Variants in MAN2B2 observed in about 807,000 individuals in gnomAD.
MAN2B2 encodes the protein mannosidase alpha class 2B member 2, also known as epididymis-specific alpha-mannosidase.
A neutral mutation model predicts 117.1 loss-of-function variants in MAN2B2; 106 were observed. That is an observed-to-expected ratio of 0.90 (90% CI 0.77 to 1.06). The LOEUF (loss-of-function observed/expected upper bound fraction) is 1.06. Ranked by LOEUF, MAN2B2 falls within the 50% of genes least tolerant of loss-of-function variation. MAN2B2 has a pLI of 0.00. For missense variants in MAN2B2, 1,326 were observed against 1,381.4 expected (o/e 0.96, Z 0.64); for synonymous variants, 544 against 595.1 (o/e 0.91, Z 1.25).
At chr4:6,580,484 C>T (rs977559641) in intron 3 of MAN2B2, among the ~76,000 whole-genome samples, 2 of 152,196 alleles carry the variant, frequency 1.3e-5, no homozygotes, top group Non-Finnish European at 2.9e-5. Context: ...ACACTGTAGG[C>T]GTGTCCCCCA....
chr4:6,589,244 G>C (rs1047012328), intron 5 of MAN2B2, 84 bp downstream of exon 5: 19 of 1,092,720 alleles, frequency 1.7e-5, no homozygotes, highest in Non-Finnish European at 2.5e-5. Context: ...TTTTGTTTTT[G>C]TTTATTGGTT....
intron 7 of MAN2B2, among the ~76,000 whole-genome samples, chr4:6,595,027 G>A (rs1327204327): frequency 6.6e-5 from 10 of 152,174 alleles, no homozygotes; most frequent in South Asian, 2.1e-4. Context: ...TGCTGGGAGC[G>A]GCCTCCATCA....
In MAN2B2 at chr4:6,609,115, AC is replaced by A. The variant is rs1167438380; in HGVS notation, c.1825del (p.Arg609GlufsTer5). On this transcript the variant is annotated frameshift_variant, in exon 12 of 19. Transcript: ENST00000285599. LOFTEE classifies it high-confidence loss of function. ...CTCTCCTGCCTCTGCAGACAGAGTA[AC>A]CGAACGGTGCGCGTGACCCAGGAAT... The part of the protein sequence containing the change: ...LMHSIWERQS[N>X]RTVRVTQEFL... 6.2e-7 allele frequency: 1 copy of A among 1,613,686 alleles called. No individual in the cohort carries two copies. The highest frequency in any genetic ancestry group is 1.1e-5 in the South Asian group (1 of 91,008).
At chr4:6,604,700 C>T (rs766572890) in intron 10 of MAN2B2, among the ~76,000 whole-genome samples, 14 of 152,070 alleles carry the variant, frequency 9.2e-5, no homozygotes, top group East Asian at 3.9e-4. Flanking sequence ...TCGTGGATCT[C>T]GGGTTCCAGA....
At position 6,598,369 on chromosome 4, in the gene MAN2B2, G is replaced by C; in HGVS notation, c.1405+15G>C. 1 of 1,605,628 alleles carries C rather than the reference G, an allele frequency of 6.2e-7. No homozygotes were observed. Among genetic ancestry groups the C allele is most frequent in the Non-Finnish European group, 8.5e-7 (1 of 1,174,678 alleles). ...GGCCAGCTCCGGTGAGCAGGGCCCT[G>C]CAGGGAGGCTGTGGCCCCTTTATGA... On this transcript the variant is annotated intron_variant, in intron 9 of 18. Transcript: ENST00000285599.
At chr4:6,608,529 G>A (rs1023455304) in intron 11 of MAN2B2, among the ~76,000 whole-genome samples, 13 of 152,244 alleles carry the variant, frequency 8.5e-5, no homozygotes, top group Non-Finnish European at 1.6e-4. Flanking sequence ...TAATAGAAGG[G>A]AGGGAGCACA....
chr4:6,616,594 G>A (rs1468642856), intron 16 of MAN2B2, among the ~76,000 whole-genome samples: 1 of 152,158 alleles, frequency 6.6e-6, no homozygotes, highest in Non-Finnish European at 1.5e-5. Flanking sequence ...AGCTTCTGCC[G>A]GGAAGTACTG....
chr4:6,586,702 GA>G (rs1263940669), intron 3 of MAN2B2, among the ~76,000 whole-genome samples: 1 of 152,224 alleles, frequency 6.6e-6, no homozygotes, highest in Non-Finnish European at 1.5e-5. Flanking sequence ...TTGGGAAGAG[GA>G]GAACATTCTG....
chr4:6,605,760 C>T (rs1173371183), intron 11 of MAN2B2, among the ~76,000 whole-genome samples: 1 of 151,934 alleles, frequency 6.6e-6, no homozygotes, highest in Non-Finnish European at 1.5e-5. Flanking sequence ...AGTTATCCAT[C>T]CATCCACCCA....
intron 3 of MAN2B2, among the ~76,000 whole-genome samples, chr4:6,584,894 A>T (rs892877091): frequency 6.6e-6 from 1 of 152,152 alleles, no homozygotes; most frequent in African/African-American, 2.4e-5. Flanking sequence ...TCTGCGAGTG[A>T]AAAAGGGGTG....
Position 6,583,381 on chromosome 4 carries a change from GGAGTCCATTTGC to G in MAN2B2, c.392-3614_392-3603del, listed in dbSNP as rs1420688187. ...GGCTGGGGAATGTAGTCTCTGGCTG[GGAGTCCATTTGC>G]CCTGCTAAAACCAAGAAGGAGTGTG... On this transcript the variant is annotated intron_variant, in intron 3 of 18. Transcript: ENST00000285599. 1.1e-4 allele frequency among the ~76,000 whole-genome samples: 8 copies of G among 71,736 alleles called. No individual in the cohort carries two copies. In the South Asian group the frequency reaches 5.0e-3, roughly 45 times the overall value. The allele number at this position is 71,736 out of a possible 152,430, so 47.1% of individuals were successfully genotyped here. A position where few individuals can be genotyped will look rare whatever the true frequency, so the allele number is the denominator to read the frequency against.
At position 6,593,328 on chromosome 4, in the gene MAN2B2, C is replaced by T. The variant is rs763104481; in HGVS notation, c.836C>T (p.Thr279Ile). The change falls in exon 6 of 19, where the codon ACA (threonine) becomes ATA (isoleucine). Residue 279 changes from threonine (T) to isoleucine (I), a missense_variant. Physicochemically the swap from Thr to Ile is moderately conservative, Grantham distance 89. Transcript: ENST00000285599. ...NVKQRAAWFR[T>I]PHVLWPWGCD... Reference sequence around the variant, plus strand: ...AAGCAGAGGGCCGCCTGGTTCCGGACACCGCACGTCCTCTGGCCCTGGGTA... The same window carrying T: ...AAGCAGAGGGCCGCCTGGTTCCGGATACCGCACGTCCTCTGGCCCTGGGTA... 6 of 1,613,300 alleles carry T rather than the reference C, an allele frequency of 3.7e-6. No individual in the cohort carries two copies. The highest frequency in any genetic ancestry group is 5.1e-6 in the Non-Finnish European group (6 of 1,179,730).
At chr4:6,609,704 C>A in intron 12 of MAN2B2, 94 bp from the exon 13 acceptor site, 3 of 1,258,488 alleles carry the variant, frequency 2.4e-6, no homozygotes, top group Non-Finnish European at 3.4e-6. Context: ...GTACCCTGCC[C>A]TGCCCACCCT....
chr4:6,603,609 A>G (rs1727419118), intron 10 of MAN2B2, among the ~76,000 whole-genome samples: 1 of 152,246 alleles, frequency 6.6e-6, no homozygotes, highest in African/African-American at 2.4e-5. Flanking sequence ...TGGAGCTCCT[A>G]CTGTCTGTCA....
intron 7 of MAN2B2, among the ~76,000 whole-genome samples, chr4:6,596,166 A>G (rs12648406): frequency 0.41 from 60,735 of 148,134 alleles, 13,018 homozygotes; most frequent in East Asian, 0.64. Flanking sequence ...CGTGGTATCC[A>G]GGCGGGTGTG....
chr4:6,584,268 G>A (rs1048426948), intron 3 of MAN2B2, among the ~76,000 whole-genome samples: 1 of 152,140 alleles, frequency 6.6e-6, no homozygotes, highest in Non-Finnish European at 1.5e-5. Flanking sequence ...GGATAGTTTG[G>A]GACTGGTTCT....
At chr4:6,587,736 TC>T (rs1726690389) in intron 4 of MAN2B2, among the ~76,000 whole-genome samples, 1 of 144,838 alleles carries the variant, frequency 6.9e-6, no homozygotes, top group South Asian at 2.2e-4. Context: ...TTTTTTGGGG[TC>T]TTTTGGGTTG....
chr4:6,575,367 C>A lies in MAN2B2; in HGVS notation c.138+19C>A. 6.7e-7 allele frequency: 1 copy of A among 1,486,744 alleles called. No homozygotes were observed. The highest frequency in any genetic ancestry group is 9.0e-7 in the Non-Finnish European group (1 of 1,113,774). 92.1% of individuals were successfully genotyped at this position (1,486,744 alleles called of 1,614,324 possible). A position where few individuals can be genotyped will look rare whatever the true frequency, so the allele number is the denominator to read the frequency against. ...TGTGCAGGTAGGTGCCGACCACGCCCCGCGCGCCCCTGAGGCTGCAGCTTC... is the reference window on the plus strand; with the variant it reads ...TGTGCAGGTAGGTGCCGACCACGCCACGCGCGCCCCTGAGGCTGCAGCTTC... On this transcript the variant is annotated intron_variant, in intron 1 of 18. Coordinates refer to ENST00000285599, the MANE Select transcript of MAN2B2 (RefSeq NM_015274.3).
intron 3 of MAN2B2, among the ~76,000 whole-genome samples, 185 bp downstream of exon 3, chr4:6,578,683 G>A (rs1452250661): frequency 6.6e-6 from 1 of 152,106 alleles, no homozygotes; most frequent in Non-Finnish European, 1.5e-5. Context: ...GAATGTAGGG[G>A]TTAAGAGCAT....
Sources: allele counts gnomAD v4.1 joint callset (sites outside exome capture counted in the v4.1 genomes callset), GRCh38; gene constraint gnomAD v4.1.1; transcripts MANE v1.5; gene names NCBI Gene and HGNC (gene_info 2026-07-23, HGNC 2026-07-21).